Variants in CCL24 observed in about 807,000 individuals in gnomAD.
CCL24 encodes the protein C-C motif chemokine ligand 24.
In CCL24, 6 loss-of-function variants were observed where a neutral mutation model predicts 8.6. The observed-to-expected ratio is 0.70, with a 90% confidence interval of 0.38 to 1.38. The LOEUF (loss-of-function observed/expected upper bound fraction) is 1.38, where lower values mean the gene tolerates loss of function less well. Among genes scored for constraint, CCL24 ranks in the 40% most tolerant of loss-of-function variants. The pLI, the probability that CCL24 is intolerant of heterozygous loss-of-function variation, is 0.02. For missense variants in CCL24, 126 were observed against 147.1 expected (o/e 0.86, Z 0.74); for synonymous variants, 59 against 52.7 (o/e 1.12, Z -0.52).
intron 1 of CCL24, among the ~76,000 whole-genome samples, chr7:75,820,738 C>T (rs1804028822): frequency 6.7e-6 from 1 of 149,680 alleles, no homozygotes; most frequent in Non-Finnish European, 1.5e-5. Context: ...CATCCACCTA[C>T]CCACCCATGC....
intron 2 of CCL24, among the ~76,000 whole-genome samples, chr7:75,813,033 G>T (rs1170423232): frequency 2.0e-5 from 3 of 152,032 alleles, no homozygotes; most frequent in African/African-American, 4.8e-5. Context: ...AGCCCAGGAG[G>T]TTGAGGCTGC....
At chr7:75,812,885 G>A (rs11465299) in intron 2 of CCL24, among the ~76,000 whole-genome samples, 3 of 151,610 alleles carry the variant, frequency 2.0e-5, no homozygotes, top group South Asian at 4.2e-4. Context: ...AGCCAAGATC[G>A]TACCACTGCA....
chr7:75,813,025 C>T (rs1430507846), intron 2 of CCL24, among the ~76,000 whole-genome samples: 3 of 151,786 alleles, frequency 2.0e-5, no homozygotes, highest in Admixed American at 1.3e-4. Flanking sequence ...ATCACTTGAG[C>T]CCAGGAGGTT....
chr7:75,812,011 T>C, intron 2 of CCL24, 47 bp from the exon 3 acceptor site: 1 of 1,548,356 alleles, frequency 6.5e-7, no homozygotes. Context: ...ACAGGGACCT[T>C]GGGCCACTCC....
At position 75,813,666 on chromosome 7, in the gene CCL24, C is replaced by T; in HGVS notation, c.50G>A (p.Cys17Tyr). ...ACCCGTAGGGATGATGTGGTGGGCA[C>T]AGACACCAAGGAACAGAAGGCTGGT... ...IVTSLLFLGV[C>Y]AHHIIPTGSV... is the part of the protein sequence containing the mutation. Residue 17 changes from cysteine (C) to tyrosine (Y), a missense_variant, in exon 1 of 3, where the codon TGT becomes TAT. Cys to Tyr is a radical substitution (Grantham distance 194). Transcript: ENST00000222902. 9 of 1,614,000 alleles carry T rather than the reference C, an allele frequency of 5.6e-6. No homozygotes were observed. The highest frequency in any genetic ancestry group is 7.6e-6 in the Non-Finnish European group (9 of 1,179,848).
intron 1 of CCL24, among the ~76,000 whole-genome samples, chr7:75,819,902 T>C (rs1803987994): frequency 6.6e-6 from 1 of 151,908 alleles, no homozygotes. Flanking sequence ...TCCCAAGCTT[T>C]GATTTCCTCA....
rs1009165635 is a variant in CCL24 at position 75,813,254 on chromosome 7, G to A, written c.191+52C>T. 5.4e-6 allele frequency: 6 copies of A among 1,116,348 alleles called. 1 individual carries two copies. In the South Asian group the frequency reaches 7.6e-5, roughly 14 times the overall value. 69.2% of individuals were successfully genotyped at this position (1,116,348 alleles called of 1,614,324 possible). ...GACCTTGCTTCTCAGGGACCCTGGA[G>A]TTGCACCTGCCCCCACCCCTCTCCT... is the stretch of plus-strand genomic sequence containing the variant. On this transcript the variant is annotated intron_variant, in intron 2 of 2. Coordinates refer to ENST00000222902, the MANE Select transcript of CCL24 (RefSeq NM_002991.3).
At chr7:75,814,537 A>G (rs1344204808), upstream of CCL24, among the ~76,000 whole-genome samples, 1 of 152,096 alleles carries the variant, frequency 6.6e-6, no homozygotes. Context: ...CTGCCTCTCC[A>G]GGCTGGGCAA....
chr7:75,813,008 T>C (rs1290670353), intron 2 of CCL24, among the ~76,000 whole-genome samples: 1 of 151,658 alleles, frequency 6.6e-6, no homozygotes, highest in African/African-American at 2.4e-5. Flanking sequence ...GAGGCTGAGA[T>C]GGGAGGATCA....
At chr7:75,816,205 C>G (rs1428655123), upstream of CCL24, among the ~76,000 whole-genome samples, 1 of 152,218 alleles carries the variant, frequency 6.6e-6, no homozygotes, top group Admixed American at 6.5e-5. Flanking sequence ...TGGATCAACT[C>G]TGAAACAACT....
At chr7:75,822,171 T>C (rs1165630976) in intron 1 of CCL24, among the ~76,000 whole-genome samples, 3 of 151,548 alleles carry the variant, frequency 2.0e-5, no homozygotes, top group Non-Finnish European at 4.4e-5. Flanking sequence ...ACTTTGTGGC[T>C]GGGAACTGGA....
Position 75,813,404 on chromosome 7 carries a change from A to G in CCL24, c.93T>C (p.Ser31=). The part of the protein sequence containing the change: ...IIPTGSVVIP[S]PCCMFFVSKR... ...TGGAAACAAAGAACATGCAGCAGGG[A>G]GAGGGGATGACCACAGAGCCTAGAA... is the stretch of plus-strand genomic sequence containing the variant. Residue 31 remains serine (S), a synonymous_variant, in exon 2 of 3, where the codon TCT becomes TCC. Coordinates refer to ENST00000222902, the MANE Select transcript of CCL24 (RefSeq NM_002991.3). 1 of 1,612,294 alleles carries G rather than the reference A, an allele frequency of 6.2e-7. No individual in the cohort carries two copies. Among genetic ancestry groups the G allele is most frequent in the Non-Finnish European group, 8.5e-7 (1 of 1,178,614 alleles).
upstream of CCL24, among the ~76,000 whole-genome samples, chr7:75,816,297 G>C (rs113970754): frequency 5.3e-5 from 8 of 151,832 alleles, no homozygotes; most frequent in African/African-American, 1.7e-4. Flanking sequence ...AAGTCAGCAA[G>C]GCGGGTCCCC....
chr7:75,813,430 G>A lies in CCL24; in HGVS notation c.74-7C>T. On this transcript the variant is annotated splice_polypyrimidine_tract_variant and splice_region_variant and intron_variant, in intron 1 of 2. Coordinates refer to ENST00000222902, the MANE Select transcript of CCL24 (RefSeq NM_002991.3). ...GAGGGGATGACCACAGAGCCTAGAA[G>A]AGGAGAGAGAGAAGAGCCACGTCTT... 6.3e-7 allele frequency: 1 copy of A among 1,589,776 alleles called. No homozygotes were observed. The highest frequency in any genetic ancestry group is 8.6e-7 in the Non-Finnish European group (1 of 1,158,552).
intron 1 of CCL24, among the ~76,000 whole-genome samples, chr7:75,821,938 AAAAAG>A (rs1159136354): frequency 2.7e-5 from 4 of 150,164 alleles, no homozygotes; most frequent in African/African-American, 9.8e-5. Flanking sequence ...AAAAAAAAAA[AAAAAG>A]AAAACAAAAT....
chr7:75,815,587 A>G (rs76312007), upstream of CCL24, among the ~76,000 whole-genome samples: 19,435 of 152,236 alleles, frequency 0.13, 1,476 homozygotes, highest in Non-Finnish European at 0.17. Context: ...GTTGGAGGAC[A>G]GAAGGCACTG....
intron 1 of CCL24, among the ~76,000 whole-genome samples, chr7:75,822,996 C>T (rs548715084): frequency 1.3e-5 from 2 of 152,304 alleles, no homozygotes; most frequent in East Asian, 3.9e-4. Flanking sequence ...CCAATGCCAC[C>T]ACACCGAGTT....
Position 75,811,244 on chromosome 7 carries a change from C to T in CCL24, c.*552G>A, listed in dbSNP as rs1483946273. Reference sequence around the variant, plus strand: ...CTGTAATCCCAGCACTTTGGGAGGCCGAGGCAGGTAGATCACTTGAGGCCA... The same window carrying T: ...CTGTAATCCCAGCACTTTGGGAGGCTGAGGCAGGTAGATCACTTGAGGCCA... On this transcript the variant is annotated 3_prime_UTR_variant, in exon 3 of 3. Transcript: ENST00000222902. Among the ~76,000 whole-genome samples the T allele has an allele frequency of 3.3e-5, 5 of 151,350 alleles. No individual in the cohort carries two copies. Among genetic ancestry groups the T allele is most frequent in the Admixed American group, 2.0e-4 (3 of 15,184 alleles).
At chr7:75,816,077 G>A (rs1412324914), upstream of CCL24, among the ~76,000 whole-genome samples, 1 of 152,140 alleles carries the variant, frequency 6.6e-6, no homozygotes, top group Non-Finnish European at 1.5e-5. Flanking sequence ...GTGGCCAGCT[G>A]GGTGTCTGCG....
Sources: gnomAD v4.1 joint callset for allele counts (sites outside exome capture counted in the v4.1 genomes callset) on GRCh38, gnomAD v4.1.1 for gene constraint, MANE v1.5 for transcripts, NCBI Gene and HGNC (gene_info 2026-07-23, HGNC 2026-07-21) for gene names.